The following C1QTNF3 variants were observed in gnomAD, a reference collection of about 807,000 sequenced individuals.
The protein encoded by C1QTNF3 is C1q and TNF related 3.
C1QTNF3 carries 26 observed loss-of-function variants against 32.6 expected under a neutral mutation model. The observed-to-expected ratio is 0.80, with a 90% CI of 0.58 to 1.11. C1QTNF3 has a LOEUF of 1.11. Among genes scored for constraint, C1QTNF3 ranks in the 50% least tolerant of loss-of-function variants. The pLI, the probability that C1QTNF3 is intolerant of heterozygous loss-of-function variation, is 0.00. For missense variants in C1QTNF3, 362 were observed against 398.2 expected, an observed-to-expected ratio of 0.91 and a Z score of 0.77; for synonymous variants, 155 against 146.0, an observed-to-expected ratio of 1.06 and a Z score of -0.44.
At chr5:34,176,065 T>C in the C1QTNF3 span, 1 of 601,468 alleles carries the variant, frequency 1.7e-6, no homozygotes, top group South Asian at 2.0e-5. Context: ...CACTGGGGGC[T>C]GTAGTGACTG....
chr5:34,211,080 T>C, the C1QTNF3 span, among the ~76,000 whole-genome samples: 8 of 151,446 alleles, frequency 5.3e-5, no homozygotes, highest in Non-Finnish European at 1.2e-4. Context: ...CCTATTATGT[T>C]TGTGTTTTGA....
At chr5:34,165,730 T>C in the C1QTNF3 span, 3 of 151,976 alleles carry the variant, frequency 2.0e-5, no homozygotes, top group African/African-American at 4.8e-5. Flanking sequence ...TGTAAGAAAA[T>C]GGTTTTGAAG....
the C1QTNF3 span, among the ~76,000 whole-genome samples, chr5:34,119,390 T>C: frequency 3.3e-5 from 5 of 152,224 alleles, no homozygotes; most frequent in African/African-American, 9.6e-5. Flanking sequence ...GTCAGGGACA[T>C]AGTGCCATAG....
the C1QTNF3 span, chr5:34,124,174 G>T: frequency 1.5e-5 from 6 of 397,718 alleles, no homozygotes; most frequent in Non-Finnish European, 2.7e-5. Flanking sequence ...TTGTTCTAAT[G>T]ATTAGCCGTC....
At chr5:34,158,372 G>C in the C1QTNF3 span, 1 of 152,232 alleles carries the variant, frequency 6.6e-6, no homozygotes, top group East Asian at 1.9e-4. Context: ...CTCCCAAAGT[G>C]CTGGGATTAC....
chr5:34,154,558 C>A, the C1QTNF3 span, among the ~76,000 whole-genome samples: 1 of 152,126 alleles, frequency 6.6e-6, no homozygotes, highest in African/African-American at 2.4e-5. Flanking sequence ...AGAGGAAAAT[C>A]TGTTAGAATG....
the C1QTNF3 span, among the ~76,000 whole-genome samples, chr5:34,051,644 C>A: frequency 1.1e-3 from 169 of 152,286 alleles, no homozygotes; most frequent in African/African-American, 4.0e-3. Flanking sequence ...TTGGTTGTCC[C>A]AAGATACTTC....
At chr5:34,140,250 A>C in the C1QTNF3 span, among the ~76,000 whole-genome samples, 7 of 152,220 alleles carry the variant, frequency 4.6e-5, no homozygotes, top group African/African-American at 1.7e-4. Flanking sequence ...CTGTACCAGT[A>C]ATTCGTGAAT....
intron 5 of C1QTNF3, among the ~76,000 whole-genome samples, chr5:34,021,174 G>C (rs904852925): frequency 6.6e-6 from 1 of 152,176 alleles, no homozygotes; most frequent in African/African-American, 2.4e-5. Context: ...GCTAGAATTT[G>C]GTACAAAAGG....
the C1QTNF3 span, among the ~76,000 whole-genome samples, chr5:34,128,060 T>C: frequency 3.9e-5 from 6 of 152,294 alleles, no homozygotes; most frequent in African/African-American, 1.2e-4. Flanking sequence ...AAATTTTTTC[T>C]TGGGTTGGGC....
At chr5:34,089,063 C>T in the C1QTNF3 span, among the ~76,000 whole-genome samples, 1 of 151,974 alleles carries the variant, frequency 6.6e-6, no homozygotes, top group African/African-American at 2.4e-5. Context: ...CTCTTGGGAT[C>T]AACACTTGCT....
At chr5:34,082,338 T>A in the C1QTNF3 span, among the ~76,000 whole-genome samples, 88 of 151,518 alleles carry the variant, frequency 5.8e-4, 3 homozygotes, top group African/African-American at 2.1e-3. Flanking sequence ...ATGTTGTGTG[T>A]CCCTGAAAAT....
the C1QTNF3 span, among the ~76,000 whole-genome samples, chr5:34,063,705 C>G: frequency 6.6e-6 from 1 of 152,142 alleles, no homozygotes; most frequent in Admixed American, 6.5e-5. Flanking sequence ...ACAAGACCCC[C>G]TGGGTTCATA....
At chr5:34,034,153 C>T (rs1047965050) in intron 2 of C1QTNF3, among the ~76,000 whole-genome samples, 1 of 152,090 alleles carries the variant, frequency 6.6e-6, no homozygotes, top group African/African-American at 2.4e-5. Context: ...GACAAAAGAG[C>T]CAGACTTTGT....
At chr5:34,130,146 CACACAT>C in the C1QTNF3 span, among the ~76,000 whole-genome samples, 2 of 151,136 alleles carry the variant, frequency 1.3e-5, no homozygotes, top group Non-Finnish European at 2.9e-5. Flanking sequence ...CACACACACA[CACACAT>C]ACATACATAT....
the C1QTNF3 span, among the ~76,000 whole-genome samples, chr5:34,213,024 C>T: frequency 6.6e-6 from 1 of 152,284 alleles, no homozygotes; most frequent in South Asian, 2.1e-4. Context: ...CCCACTCTTC[C>T]CCACGAAAAA....
the C1QTNF3 span, among the ~76,000 whole-genome samples, chr5:34,090,672 T>G: frequency 3.3e-5 from 5 of 152,170 alleles, no homozygotes; most frequent in African/African-American, 7.2e-5. Flanking sequence ...GGGTCTTTGG[T>G]AGGTAGTTAG....
chr5:34,223,511 T>G, the C1QTNF3 span, among the ~76,000 whole-genome samples: 1 of 151,356 alleles, frequency 6.6e-6, no homozygotes, highest in East Asian at 2.0e-4. Flanking sequence ...GCAGCATGAT[T>G]TATAGTCCTT....
Position 34,020,722 on chromosome 5 carries a change from G to C in C1QTNF3, c.821C>G (p.Ser274Ter), listed in dbSNP as rs1378868960. 1 of 1,613,026 alleles carries C rather than the reference G, an allele frequency of 6.2e-7. No homozygotes were observed. The highest frequency in any genetic ancestry group is 2.2e-5 in the East Asian group (1 of 44,878). ...SMYSYEMKGK[S>*]DTSSNHAVLK... ...CACAGCATGATTGCTGGATGTATCT[G>C]ATTTGCCCTTCATTTCATAGCTGGA... is the stretch of plus-strand genomic sequence containing the variant. Residue 274 changes from serine to a stop codon, truncating the protein, a stop_gained, in exon 6 of 6, where the codon TCA becomes TGA. Transcript: ENST00000382065. LOFTEE classifies it high-confidence loss of function.
Sources: allele counts gnomAD v4.1 joint callset (sites outside exome capture counted in the v4.1 genomes callset), GRCh38; gene constraint gnomAD v4.1.1; transcripts MANE v1.5; gene names NCBI Gene and HGNC (gene_info 2026-07-23, HGNC 2026-07-21).